PDE3A: variants seen among roughly 807,000 people sequenced by gnomAD.
PDE3A encodes phosphodiesterase 3A.
In PDE3A, 43 loss-of-function variants were observed where a neutral mutation model predicts 98.3. That is an observed-to-expected ratio of 0.44 (90% CI 0.34 to 0.56). The LOEUF (loss-of-function observed/expected upper bound fraction) is 0.56, where lower values mean the gene tolerates loss of function less well. Among genes scored for constraint, PDE3A ranks in the 20% least tolerant of loss-of-function variants. PDE3A has a pLI of 0.01. For missense variants in PDE3A, 1,427 were observed against 1,440.7 expected, an observed-to-expected ratio of 0.99 and a Z score of 0.15; for synonymous variants, 663 against 567.9, an observed-to-expected ratio of 1.17 and a Z score of -2.38.
At chr12:20,671,754 G>A (rs1356750216) in intron 15 of PDE3A, among the ~76,000 whole-genome samples, 1 of 138,498 alleles carries the variant, frequency 7.2e-6, no homozygotes, top group Non-Finnish European at 1.6e-5. Flanking sequence ...TACTGAATGG[G>A]CAAAAACTGG....
intron 4 of PDE3A, among the ~76,000 whole-genome samples, chr12:20,619,260 A>C (rs12578606): frequency 0.08 from 12,176 of 152,062 alleles, 677 homozygotes; most frequent in East Asian, 0.2. Flanking sequence ...TCTTGAGTTC[A>C]TTAAATCTGC....
At chr12:20,634,881 G>C (rs780595045) in intron 7 of PDE3A, 21 bp from the exon 8 acceptor site, 1 of 1,591,588 alleles carries the variant, frequency 6.3e-7, no homozygotes, top group East Asian at 2.2e-5. Flanking sequence ...CTTGTAATAA[G>C]TTGTTCTCTT....
chr12:20,616,889 G>A (rs1944021282), intron 4 of PDE3A, among the ~76,000 whole-genome samples: 1 of 152,022 alleles, frequency 6.6e-6, no homozygotes, highest in Admixed American at 6.6e-5. Context: ...CTTTTCTGAG[G>A]ATATTAATTC....
intron 1 of PDE3A, among the ~76,000 whole-genome samples, chr12:20,535,875 A>C (rs532142932): frequency 1.3e-5 from 2 of 152,290 alleles, no homozygotes; most frequent in East Asian, 3.9e-4. Context: ...ATCTCTGCTC[A>C]AGTGTTTTAA....
In PDE3A at chr12:20,650,528, C is replaced by A. The variant is rs774094605; in HGVS notation, c.2853C>A (p.Ile951=). 4.1e-5 allele frequency: 66 copies of A among 1,610,830 alleles called. No individual in the cohort carries two copies. The highest frequency in any genetic ancestry group is 5.2e-5 in the Non-Finnish European group (61 of 1,177,486). ...VCQMCIKLAD[I]NGPAKCKELH... ...AAATGTGTATAAAGTTGGCTGATAT[C>A]AATGGTCCAGCTAAATGTAAAGAAC... Residue 951 remains isoleucine (I), a synonymous_variant, in exon 14 of 16, where the codon ATC becomes ATA. Coordinates refer to ENST00000359062, the MANE Select transcript of PDE3A (RefSeq NM_000921.5).
At chr12:20,560,845 C>T (rs960118489) in intron 2 of PDE3A, among the ~76,000 whole-genome samples, 1 of 151,982 alleles carries the variant, frequency 6.6e-6, no homozygotes, top group African/African-American at 2.4e-5. Flanking sequence ...GTGTTTTCCT[C>T]GCCGGAAACC....
chr12:20,407,177 A>C (rs886740368), intron 1 of PDE3A, among the ~76,000 whole-genome samples: 5 of 152,186 alleles, frequency 3.3e-5, no homozygotes, highest in African/African-American at 1.2e-4. Flanking sequence ...AAAGTTACTT[A>C]GCATCTCTGT....
Position 20,676,648 on chromosome 12 carries a change from C to T in PDE3A, c.3185-3382C>T, listed in dbSNP as rs559601597. Reference sequence around the variant, plus strand: ...CCGAGTAGCTGGGACTACAGGCACACGCCACCATGCCTGGCTAATTTTTTG... The same window carrying T: ...CCGAGTAGCTGGGACTACAGGCACATGCCACCATGCCTGGCTAATTTTTTG... On this transcript the variant is annotated intron_variant, in intron 15 of 15. Coordinates refer to ENST00000359062, the MANE Select transcript of PDE3A (RefSeq NM_000921.5). Among the ~76,000 whole-genome samples, 31 of 151,974 alleles carry T rather than the reference C, an allele frequency of 2.0e-4. No homozygotes were observed. The South Asian group carries it at 4.0e-3, about 19-fold the overall frequency.
In PDE3A at chr12:20,620,873, A is replaced by T. The variant is rs532724177; in HGVS notation, c.1425-423A>T. On this transcript the variant is annotated intron_variant, in intron 4 of 15. Transcript: ENST00000359062. ...TCATGGTCATTCAATTTTTGAATAC[A>T]GATCCACCAAAAATAATAGAGTACT... Among the ~76,000 whole-genome samples, 5 of 152,218 alleles carry T rather than the reference A, an allele frequency of 3.3e-5. No individual in the cohort carries two copies. In the South Asian group the frequency reaches 8.3e-4, roughly 25 times the overall value.
chr12:20,386,067 T>TAA (rs1565532436), intron 1 of PDE3A, among the ~76,000 whole-genome samples: 7 of 33,332 alleles, frequency 2.1e-4, no homozygotes, highest in African/African-American at 4.7e-4. Flanking sequence ...TATAAATATA[T>TAA]ATAAAATATA....
At chr12:20,627,928 C>T (rs1944303557) in intron 5 of PDE3A, among the ~76,000 whole-genome samples, 1 of 152,108 alleles carries the variant, frequency 6.6e-6, no homozygotes, top group Admixed American at 6.6e-5. Context: ...TATCTGGAGT[C>T]CCTGTCTAAA....
chr12:20,546,498 C>G (rs761508375), intron 1 of PDE3A, among the ~76,000 whole-genome samples: 6 of 152,022 alleles, frequency 3.9e-5, no homozygotes, highest in Non-Finnish European at 4.4e-5. Flanking sequence ...GGGAGACATA[C>G]AGTTCAGGCT....
In PDE3A at chr12:20,643,409, A is replaced by G. The variant is rs935357901; in HGVS notation, c.2252-3081A>G. Among the ~76,000 whole-genome samples, 4 of 152,286 alleles carry G rather than the reference A, an allele frequency of 2.6e-5. No homozygotes were observed. The South Asian group carries it at 8.3e-4, about 32-fold the overall frequency. ...TTGCTCCTGGGTTGGGTTACCAGAGAATTAATGACAAGAACAATGGAGATG... is the reference window on the plus strand; with the variant it reads ...TTGCTCCTGGGTTGGGTTACCAGAGGATTAATGACAAGAACAATGGAGATG... On this transcript the variant is annotated intron_variant, in intron 10 of 15. Transcript: ENST00000359062.
intron 2 of PDE3A, among the ~76,000 whole-genome samples, chr12:20,568,606 C>T (rs1167282960): frequency 6.6e-6 from 1 of 151,796 alleles, no homozygotes; most frequent in Admixed American, 6.6e-5. Flanking sequence ...TGTGACACAA[C>T]ATTTCAAACA....
At position 20,369,592 on chromosome 12, in the gene PDE3A, C is replaced by A; in HGVS notation, c.308C>A (p.Ala103Glu). 1 of 1,560,520 alleles carries A rather than the reference C, an allele frequency of 6.4e-7. No homozygotes were observed. The highest frequency in any genetic ancestry group is 1.9e-5 in the Admixed American group (1 of 52,282). Residue 103 changes from alanine to glutamate, a missense_variant, in exon 1 of 16, where the codon GCA becomes GAA. Transcript: ENST00000359062. ...GCGGCGGCGGCGGAGGAGGAGGAAG[C>A]AGCCCCGGGAGCAGAAGGGGGCGTC... ...KEAAAAEEEE[A>E]APGAEGGVFP...
chr12:20,470,751 T>C (rs1193029347), intron 1 of PDE3A, among the ~76,000 whole-genome samples: 1 of 150,542 alleles, frequency 6.6e-6, no homozygotes, highest in Non-Finnish European at 1.5e-5. Flanking sequence ...AGTGCAATGC[T>C]GTGGGTTGCA....
rs1452911231 is a variant in PDE3A, at chr12:20,369,154, A to C, written c.-131A>C. ...GTGGATTGTGGGCCTGGGGAGAAGA[A>C]GGATTCCGAGGGTGGAATTGGGAAG... On this transcript the variant is annotated 5_prime_UTR_variant, in exon 1 of 16. Transcript: ENST00000359062. 8.2e-6 allele frequency: 5 copies of C among 610,548 alleles called. No individual in the cohort carries two copies. The highest frequency in any genetic ancestry group is 1.9e-5 in the African/African-American group (1 of 52,164). The allele number at this position is 610,548 out of a possible 1,614,324, so 37.8% of individuals were successfully genotyped here.
intron 1 of PDE3A, among the ~76,000 whole-genome samples, chr12:20,452,812 C>T (rs1565554180): frequency 6.6e-6 from 1 of 152,108 alleles, no homozygotes; most frequent in Non-Finnish European, 1.5e-5. Context: ...GGGAAGCATG[C>T]CAGCCCCCTG....
chr12:20,487,501 TAAAAAAAAAAAA>T (rs34671800), intron 1 of PDE3A, among the ~76,000 whole-genome samples: 2 of 61,998 alleles, frequency 3.2e-5, no homozygotes, highest in African/African-American at 1.3e-4. Context: ...CTGTCTCTAC[TAAAAAAAAAAAA>T]AAAAAAAAAA....
Sources: allele counts gnomAD v4.1 joint callset (sites outside exome capture counted in the v4.1 genomes callset), GRCh38; gene constraint gnomAD v4.1.1; transcripts MANE v1.5; gene names NCBI Gene and HGNC (gene_info 2026-07-23, HGNC 2026-07-21).